The following GRSF1 variants were observed in gnomAD, a reference collection of about 807,000 sequenced individuals.
GRSF1 encodes the protein G-rich RNA sequence binding factor 1, also known as G-rich sequence factor 1.
In GRSF1, 50 loss-of-function variants were observed where a neutral mutation model predicts 51.1. The ratio of observed to expected loss-of-function variants is 0.98; its 90% CI spans 0.78 to 1.24. The LOEUF (loss-of-function observed/expected upper bound fraction) is 1.24. GRSF1 is among the 50% of genes most tolerant of loss of function. The pLI, the probability that GRSF1 is intolerant of heterozygous loss-of-function variation, is 0.00. For synonymous variants in GRSF1, 293 were observed against 253.3 expected (o/e 1.16, Z -1.49); for missense variants, 700 against 639.7 (o/e 1.09, Z -1.02).
chr4:70,839,088 C>CG (rs2148849007), intron 1 of GRSF1: 1 of 1,265,706 alleles, frequency 7.9e-7, no homozygotes, highest in South Asian at 1.2e-5. Context: ...CCCAACCCTC[C>CG]GGCGGGCTCG....
chr4:70,831,514 C>A, intron 5 of GRSF1, 25 bp downstream of exon 5: 2 of 1,600,094 alleles, frequency 1.2e-6, no homozygotes, highest in Admixed American at 1.7e-5. Flanking sequence ...AACACTTCTG[C>A]ATCATTAGTA....
At chr4:70,837,563 C>A (rs866582612) in intron 1 of GRSF1, among the ~76,000 whole-genome samples, 484 of 89,034 alleles carry the variant, frequency 5.4e-3, no homozygotes, top group Middle Eastern at 7.7e-3. Flanking sequence ...GACTCCGTCT[C>A]AAAAAAAAAA....
At position 70,828,047 on chromosome 4, in the gene GRSF1, G is replaced by C; in HGVS notation, c.951-11C>G. 6.2e-7 allele frequency: 1 copy of C among 1,605,156 alleles called. No individual in the cohort carries two copies. The highest frequency in any genetic ancestry group is 8.5e-7 in the Non-Finnish European group (1 of 1,173,992). ...AATATCTCGATGTATCTATGTCAAA[G>C]CAAAAGTAAACAGGCACAAATGGTG... On this transcript the variant is annotated splice_polypyrimidine_tract_variant and intron_variant, in intron 5 of 9. Transcript: ENST00000254799.
rs1385649949 is a variant in GRSF1 at position 70,818,305 on chromosome 4, C to T, written c.*2582G>A. On this transcript the variant is annotated 3_prime_UTR_variant, in exon 10 of 10. Transcript: ENST00000254799. ...CCATGGAGGGTTTTAAATTCTGAAA[C>T]AAACAGGATGTAACCCCAAAAAATA... 1 of 152,156 alleles carries T rather than the reference C, an allele frequency of 6.6e-6. No individual in the cohort carries two copies. Among genetic ancestry groups the T allele is most frequent in the East Asian group, 1.9e-4 (1 of 5,192 alleles). 9.4% of individuals were successfully genotyped at this position (152,156 alleles called of 1,614,324 possible).
chr4:70,826,215 G>A lies in GRSF1; in HGVS notation c.1166C>T (p.Pro389Leu). 6.2e-7 allele frequency: 1 copy of A among 1,610,190 alleles called. No individual in the cohort carries two copies. The highest frequency in any genetic ancestry group is 8.5e-7 in the Non-Finnish European group (1 of 1,178,192). Residue 389 changes from proline (P) to leucine (L), a missense_variant, in exon 7 of 10, where the codon CCA (proline) becomes CTA (leucine). By Grantham distance (98) the Pro-to-Leu change is moderately conservative (BLOSUM62 -3). Coordinates refer to ENST00000254799, the MANE Select transcript of GRSF1 (RefSeq NM_002092.4). The part of the protein sequence containing the change: ...ELPKEVPEKL[P>L]EAADFGTTSS... ...CGTAGTTCCAAAATCAGCAGCCTCT[G>A]GAAGCTTTTCTGGCACCTCCTTAGG...
At chr4:70,841,600 A>G (rs1734460024), upstream of GRSF1, among the ~76,000 whole-genome samples, 1 of 152,254 alleles carries the variant, frequency 6.6e-6, no homozygotes, top group Non-Finnish European at 1.5e-5. Context: ...TGTTTCATCT[A>G]TCCCCTACCA....
rs1733377013 is a variant in GRSF1 at position 70,818,059 on chromosome 4, GAC to G, written c.*2826_*2827del. 6.6e-6 allele frequency: 1 copy of G among 152,110 alleles called. No individual in the cohort carries two copies. The highest frequency in any genetic ancestry group is 1.5e-5 in the Non-Finnish European group (1 of 68,058). 9.4% of individuals were successfully genotyped at this position (152,110 alleles called of 1,614,324 possible). On this transcript the variant is annotated 3_prime_UTR_variant, in exon 10 of 10. Transcript: ENST00000254799. ...TTTGTATTTTGGTTTTTTTGATTTT[GAC>G]AGAGTCTCACTCTGTTGCCCAGGCT...
chr4:70,823,226 G>A (rs1219567276), intron 9 of GRSF1, among the ~76,000 whole-genome samples: 4 of 151,758 alleles, frequency 2.6e-5, no homozygotes, highest in Middle Eastern at 3.4e-3. Context: ...GAGAAACCCC[G>A]TCTCTACTAA....
At chr4:70,838,952 GCGATGGGGA>G (rs1402599597) in intron 1 of GRSF1, 1 of 360,312 alleles carries the variant, frequency 2.8e-6, no homozygotes, top group African/African-American at 2.2e-5. Flanking sequence ...AGGGAACGGC[GCGATGGGGA>G]CAGGCTCCTT....
rs1029787315 is a variant in GRSF1 at position 70,824,341 on chromosome 4, T to C, written c.1421A>G (p.Asn474Ser). ...GTCTTATTTTCCTTTTGGACATGAA[T>C]TCAGGAACAGTTCAATATACCTATG... Reference protein sequence around the residue: ...VHHRYIELFLNSCPKGK With the variant: ...VHHRYIELFLSSCPKGK The change falls in exon 9 of 10, where the codon AAT becomes AGT. Residue 474 changes from asparagine to serine, a missense_variant. Asn to Ser is a conservative substitution (Grantham distance 46, BLOSUM62 1). Coordinates refer to ENST00000254799, the MANE Select transcript of GRSF1 (RefSeq NM_002092.4). The C allele has an allele frequency of 2.0e-6, 3 of 1,493,476 alleles. No homozygotes were observed. The Middle Eastern group carries it at 5.1e-4, about 255-fold the overall frequency. The allele number at this position is 1,493,476 out of a possible 1,614,324, so 92.5% of individuals were successfully genotyped here. A position where few individuals can be genotyped will look rare whatever the true frequency, so the allele number is the denominator to read the frequency against.
chr4:70,825,314 T>C lies in GRSF1; in HGVS notation c.1375A>G (p.Lys459Glu), dbSNP rs770591540. The change falls in exon 8 of 10, where the codon AAG (lysine) becomes GAG (glutamate). Residue 459 changes from lysine (K) to glutamate (E), a missense_variant. Coordinates refer to ENST00000254799, the MANE Select transcript of GRSF1 (RefSeq NM_002092.4). ...THEDAVAAML[K>E]DRSHVHHRYI... ...GACTTACGAACGTGGGACCGATCCT[T>C]GAGCATCGCTGCAACAGCATCCTCA... 4.4e-6 allele frequency: 7 copies of C among 1,608,176 alleles called. No individual in the cohort carries two copies. Among genetic ancestry groups the C allele is most frequent in the Admixed American group, 1.7e-5 (1 of 59,850 alleles).
At chr4:70,839,917 G>A (rs1578313694), upstream of GRSF1, 1 of 1,260,266 alleles carries the variant, frequency 7.9e-7, no homozygotes, top group Admixed American at 3.5e-5. Context: ...TGGGGGTGGG[G>A]TGTGCCTGGC....
chr4:70,839,654 G>A lies in GRSF1; in HGVS notation c.174C>T (p.Ala58=), dbSNP rs1734383947. The A allele has an allele frequency of 1.4e-6, 2 of 1,396,138 alleles. No individual in the cohort carries two copies. The highest frequency in any genetic ancestry group is 1.5e-5 in the African/African-American group (1 of 65,578). 86.5% of individuals were successfully genotyped at this position (1,396,138 alleles called of 1,614,324 possible). ...RLLLLLGAAA[A]AASQTRGLQT... is the part of the protein sequence containing the mutation. ...GGAGGCCACGCGTCTGGGAGGCAGCGGCCGCGGCGGCCCCGAGCAGCAGCA... is the reference window on the plus strand; with the variant it reads ...GGAGGCCACGCGTCTGGGAGGCAGCAGCCGCGGCGGCCCCGAGCAGCAGCA... The change falls in exon 1 of 10, where the codon GCC becomes GCT. Residue 58 remains alanine (A), a synonymous_variant. Coordinates refer to ENST00000254799, the MANE Select transcript of GRSF1 (RefSeq NM_002092.4).
rs540136874 is a variant in GRSF1, at chr4:70,833,370, G to T, written c.515-97C>A. 22 of 1,004,084 alleles carry T rather than the reference G, an allele frequency of 2.2e-5. No individual in the cohort carries two copies. In the East Asian group the frequency reaches 5.4e-4, roughly 25 times the overall value. The allele number at this position is 1,004,084 out of a possible 1,614,324, so 62.2% of individuals were successfully genotyped here. A position where few individuals can be genotyped will look rare whatever the true frequency, so the allele number is the denominator to read the frequency against. On this transcript the variant is annotated intron_variant, in intron 2 of 9. Coordinates refer to ENST00000254799, the MANE Select transcript of GRSF1 (RefSeq NM_002092.4). ...ATGCAGTTTTCCAACAACAAAGCAG[G>T]AAACAAGTGTCATATTCCTTACACA...
Position 70,820,788 on chromosome 4 carries a change from T to C in GRSF1, c.*99A>G, listed in dbSNP as rs1057083534. Reference sequence around the variant, plus strand: ...AACACCAAAATCATTTCCCTAGCAGTTGCTGCTAATAAACTGGAACTGTAT... The same window carrying C: ...AACACCAAAATCATTTCCCTAGCAGCTGCTGCTAATAAACTGGAACTGTAT... On this transcript the variant is annotated 3_prime_UTR_variant, in exon 10 of 10. Coordinates refer to ENST00000254799, the MANE Select transcript of GRSF1 (RefSeq NM_002092.4). The C allele has an allele frequency of 6.5e-6, 1 of 152,674 alleles. No individual in the cohort carries two copies. The highest frequency in any genetic ancestry group is 1.5e-5 in the Non-Finnish European group (1 of 68,040). The allele number at this position is 152,674 out of a possible 1,614,324, so 9.5% of individuals were successfully genotyped here.
Position 70,839,581 on chromosome 4 carries a change from C to T in GRSF1, c.247G>A (p.Ala83Thr). Residue 83 changes from alanine to threonine, a missense_variant, in exon 1 of 10, where the codon GCC becomes ACC. Physicochemically the swap from Ala to Thr is moderately conservative, Grantham distance 58 (BLOSUM62 0). Transcript: ENST00000254799. ...PGRLAGPPAV[A>T]TSAAAAAAAS... ...GCGGCCGCGGCCGCGGCAGAGGTGGCCACAGCGGGAGGCCCCGCCAGCCTC... is the reference window on the plus strand; with the variant it reads ...GCGGCCGCGGCCGCGGCAGAGGTGGTCACAGCGGGAGGCCCCGCCAGCCTC... 1 of 1,420,388 alleles carries T rather than the reference C, an allele frequency of 7.0e-7. No homozygotes were observed. The highest frequency in any genetic ancestry group is 9.2e-7 in the Non-Finnish European group (1 of 1,090,196). 88.0% of individuals were successfully genotyped at this position (1,420,388 alleles called of 1,614,324 possible).
intron 2 of GRSF1, among the ~76,000 whole-genome samples, chr4:70,834,530 T>C (rs13112870): frequency 0.87 from 131,805 of 152,188 alleles, 57,829 homozygotes; most frequent in Admixed American, 0.93. Flanking sequence ...ATTTAGTACA[T>C]GTATAGGACT....
chr4:70,830,893 A>G (rs1733937988), intron 5 of GRSF1, among the ~76,000 whole-genome samples: 1 of 152,200 alleles, frequency 6.6e-6, no homozygotes, highest in African/African-American at 2.4e-5. Flanking sequence ...ATAATATACT[A>G]TTGCTAACAG....
chr4:70,839,872 G>C lies in GRSF1; in HGVS notation c.-45C>G. 7.0e-7 allele frequency: 1 copy of C among 1,428,980 alleles called. No homozygotes were observed. Among genetic ancestry groups the C allele is most frequent in the Non-Finnish European group, 9.1e-7 (1 of 1,099,674 alleles). 88.5% of individuals were successfully genotyped at this position (1,428,980 alleles called of 1,614,324 possible). ...GGGCCTGAAGGCAGCTGCTCCAGCA[G>C]CGATGGTGGAACGGAAGTGGAATCC... On this transcript the variant is annotated 5_prime_UTR_variant, in exon 1 of 10. Transcript: ENST00000254799.
Sources: allele counts gnomAD v4.1 joint callset (sites outside exome capture counted in the v4.1 genomes callset), GRCh38; gene constraint gnomAD v4.1.1; transcripts MANE v1.5; gene names NCBI Gene and HGNC (gene_info 2026-07-23, HGNC 2026-07-21).